Variants in IARS1 observed in about 807,000 individuals in gnomAD.
IARS1 encodes isoleucine--tRNA ligase, cytoplasmic.
In IARS1, 124 loss-of-function variants were observed where a neutral mutation model predicts 168.2. That is an observed-to-expected ratio of 0.74 (90% CI 0.64 to 0.86). The LOEUF is 0.86. IARS1 is among the 40% of genes least tolerant of loss of function. IARS1 has a pLI of 0.00. For synonymous variants in IARS1, 532 were observed against 529.4 expected, an observed-to-expected ratio of 1.00 and a Z score of -0.07; for missense variants, 1,452 against 1,515.8, an observed-to-expected ratio of 0.96 and a Z score of 0.70.
intron 7 of IARS1, among the ~76,000 whole-genome samples, chr9:92,279,108 T>A (rs1834158412): frequency 6.6e-6 from 1 of 152,178 alleles, no homozygotes; most frequent in African/African-American, 2.4e-5. Flanking sequence ...CATCTGAGAT[T>A]TACTAGAGCC....
chr9:92,280,897 A>C lies in IARS1; in HGVS notation c.598-4T>G, dbSNP rs775001380. On this transcript the variant is annotated splice_region_variant and splice_polypyrimidine_tract_variant and intron_variant, in intron 6 of 33. Transcript: ENST00000443024. ...ATACTGAAGGATCTTGAACATCCTG[A>C]AATAAATTGAGGTAAAGTATTGTTT... is the stretch of plus-strand genomic sequence containing the variant. 6.2e-7 allele frequency: 1 copy of C among 1,600,952 alleles called. No individual in the cohort carries two copies. Among genetic ancestry groups the C allele is most frequent in the Non-Finnish European group, 8.5e-7 (1 of 1,170,200 alleles).
chr9:92,280,110 C>T (rs987915686), intron 7 of IARS1, among the ~76,000 whole-genome samples: 7 of 152,150 alleles, frequency 4.6e-5, no homozygotes, highest in African/African-American at 1.7e-4. Context: ...CACGGGTGTA[C>T]AAGTAACTGT....
At chr9:92,281,397 G>T (rs1236290397) in intron 6 of IARS1, among the ~76,000 whole-genome samples, 1 of 152,078 alleles carries the variant, frequency 6.6e-6, no homozygotes. Flanking sequence ...GCCTCCCAAA[G>T]TGCTGGGATT....
intron 22 of IARS1, chr9:92,251,193 A>T (rs1282390635): frequency 6.5e-6 from 3 of 462,106 alleles, no homozygotes; most frequent in South Asian, 4.6e-5. Context: ...CACAGGATGG[A>T]GGTGATGAGA....
chr9:92,261,800 G>C (rs142781005), intron 17 of IARS1, among the ~76,000 whole-genome samples: 4,637 of 151,778 alleles, frequency 0.031, 111 homozygotes, highest in South Asian at 0.079. Context: ...ACCCAGGCTG[G>C]AGTGCAGTGG....
chr9:92,263,854 C>T (rs568694624), intron 16 of IARS1, among the ~76,000 whole-genome samples: 13 of 152,284 alleles, frequency 8.5e-5, no homozygotes, highest in African/African-American at 3.1e-4. Context: ...AAGGCATCTA[C>T]CCCTTTCTAA....
At chr9:92,264,408 C>T (rs1831985339) in intron 16 of IARS1, among the ~76,000 whole-genome samples, 1 of 151,714 alleles carries the variant, frequency 6.6e-6, no homozygotes, top group African/African-American at 2.4e-5. Context: ...AATTCACCTT[C>T]TTCCAATTAA....
rs780980724 is a variant in IARS1 at position 92,256,714 on chromosome 9, C to T, written c.2103G>A (p.Gln701=). Residue 701 remains glutamine (Q), a synonymous_variant, in exon 20 of 34, where the codon CAG becomes CAA. Coordinates refer to ENST00000443024, the MANE Select transcript of IARS1 (RefSeq NM_002161.6). The stretch of plus-strand genomic sequence containing the variant: ...CAGTCTCAAAGAAGCCAATGAGAGA[C>T]TGCATGAAGGACAGGATCCACCGGT... ...ITDRWILSFM[Q]SLIGFFETEM... The T allele has an allele frequency of 1.9e-6, 3 of 1,613,938 alleles. No homozygotes were observed. Among genetic ancestry groups the T allele is most frequent in the South Asian group, 2.2e-5 (2 of 91,066 alleles).
At chr9:92,220,560 C>T (rs1041729357) in intron 33 of IARS1, among the ~76,000 whole-genome samples, 19 of 151,966 alleles carry the variant, frequency 1.3e-4, no homozygotes, top group African/African-American at 4.3e-4. Flanking sequence ...GAGGTTGCAA[C>T]GAGCTGGGAT....
intron 18 of IARS1, among the ~76,000 whole-genome samples, chr9:92,259,844 G>T (rs553468476): frequency 1.3e-5 from 2 of 152,216 alleles, no homozygotes; most frequent in South Asian, 4.2e-4. Context: ...AACAAGACAG[G>T]GAACCTAGAA....
Position 92,222,616 on chromosome 9 carries a change from C to G in IARS1, c.3610G>C (p.Gly1204Arg). The G allele has an allele frequency of 6.2e-7, 1 of 1,614,000 alleles. No individual in the cohort carries two copies. The highest frequency in any genetic ancestry group is 8.5e-7 in the Non-Finnish European group (1 of 1,179,974). Residue 1204 changes from glycine (G) to arginine (R), a missense_variant, in exon 33 of 34, where the codon GGA becomes CGA. Coordinates refer to ENST00000443024, the MANE Select transcript of IARS1 (RefSeq NM_002161.6). ...LLLENPLGQNGLTHQGLLYEA... is the reference protein window; with the variant it reads ...LLLENPLGQNRLTHQGLLYEA... ...TACAGAAGACCTTGGTGGGTGAGTC[C>G]ATTCTGCCCAAGTGGGTTTTCAAGC...
chr9:92,285,888 A>C, intron 5 of IARS1, 49 bp from the exon 6 acceptor site: 1 of 1,065,632 alleles, frequency 9.4e-7, no homozygotes. Flanking sequence ...TCTATTTCTG[A>C]AAATGCAAAC....
Position 92,238,505 on chromosome 9 carries a change from A to G in IARS1, c.3283+2351T>C, listed in dbSNP as rs185497626. 1.2e-4 allele frequency among the ~76,000 whole-genome samples: 18 copies of G among 152,312 alleles called. No homozygotes were observed. The East Asian group carries it at 3.5e-3, about 29-fold the overall frequency. On this transcript the variant is annotated intron_variant, in intron 30 of 33. Coordinates refer to ENST00000443024, the MANE Select transcript of IARS1 (RefSeq NM_002161.6). ...GCTCCCACTTCATCTTCTGTAAAGC[A>G]GAGTAAAAGCTTCTTGAGGCCCTCA...
intron 27 of IARS1, 22 bp downstream of exon 27, chr9:92,244,937 G>A: frequency 1.3e-6 from 2 of 1,584,306 alleles, no homozygotes; most frequent in Admixed American, 3.3e-5. Context: ...GTAAAGAAAT[G>A]TTCTAGGAAA....
At chr9:92,292,601 G>C (rs141398743) in intron 1 of IARS1, 37 of 155,442 alleles carry the variant, frequency 2.4e-4, no homozygotes, top group South Asian at 1.6e-3. Context: ...GGCAGGGACA[G>C]AGCAGGTTAA....
In IARS1 at chr9:92,274,533, G is replaced by C. The variant is rs1833531864; in HGVS notation, c.895-12C>G. 6.3e-7 allele frequency: 1 copy of C among 1,585,732 alleles called. No individual in the cohort carries two copies. The highest frequency in any genetic ancestry group is 1.7e-5 in the Admixed American group (1 of 59,982). ...CCATTCTCTTTACACTGGAAAGAAA[G>C]GACAGCAGGCTTCAGGGATGAAACA... is the stretch of plus-strand genomic sequence containing the variant. On this transcript the variant is annotated splice_polypyrimidine_tract_variant and intron_variant, in intron 9 of 33. Transcript: ENST00000443024.
chr9:92,277,948 A>T, intron 8 of IARS1, 25 bp from the exon 9 acceptor site: 2 of 1,603,840 alleles, frequency 1.2e-6, no homozygotes, highest in South Asian at 2.2e-5. Context: ...AGGCAAACTC[A>T]CAATTAGATT....
At chr9:92,266,215 CATCTT>C (rs1245738828) in intron 14 of IARS1, among the ~76,000 whole-genome samples, 9 of 152,312 alleles carry the variant, frequency 5.9e-5, no homozygotes, top group African/African-American at 2.2e-4. Context: ...ATAAGTGAAA[CATCTT>C]AGATTATTTC....
intron 1 of IARS1, 49 bp from the exon 2 acceptor site, chr9:92,289,475 AAC>A: frequency 3.7e-6 from 3 of 821,828 alleles, no homozygotes; most frequent in Non-Finnish European, 6.4e-6. Context: ...ATCTAGGAAT[AAC>A]AGAGTACCAT....
Sources: gnomAD v4.1 joint callset for allele counts (sites outside exome capture counted in the v4.1 genomes callset) on GRCh38, gnomAD v4.1.1 for gene constraint, MANE v1.5 for transcripts, NCBI Gene and HGNC (gene_info 2026-07-23, HGNC 2026-07-21) for gene names.